The following PDE11A variants were observed in gnomAD, a reference collection of about 807,000 sequenced individuals.
PDE11A encodes phosphodiesterase 11A.
PDE11A carries 100 observed loss-of-function variants against 100.5 expected under a neutral mutation model. The ratio of observed to expected loss-of-function variants is 1.00; its 90% CI spans 0.85 to 1.18. The LOEUF is 1.18. Ranked by LOEUF, PDE11A falls within the 50% of genes most tolerant of loss-of-function variation. The pLI, the probability that PDE11A is intolerant of heterozygous loss-of-function variation, is 0.00. For synonymous variants in PDE11A, 381 were observed against 420.8 expected, an observed-to-expected ratio of 0.91 and a Z score of 1.16; for missense variants, 1,141 against 1,152.6, an observed-to-expected ratio of 0.99 and a Z score of 0.15.
intron 2 of PDE11A, among the ~76,000 whole-genome samples, chr2:177,981,586 AC>A (rs1356906663): frequency 6.6e-6 from 1 of 150,560 alleles, no homozygotes; most frequent in Non-Finnish European, 1.5e-5. Flanking sequence ...ATTAGGGTCT[AC>A]CCTAATGAAC....
chr2:178,071,838 A>G lies in PDE11A; in HGVS notation c.600T>C (p.Asn200=), dbSNP rs142971813. The G allele has an allele frequency of 3.0e-5, 49 of 1,613,984 alleles. No individual in the cohort carries two copies. In the South Asian group the frequency reaches 3.2e-4, roughly 10 times the overall value. ...IDYKCHLKKH[N]ERQFFLELVK... Reference sequence around the variant, plus strand: ...CCAATTCCAGAAAGAACTGACGCTCATTATGCTTTTTCAGATGGCACTTGT... The same window carrying G: ...CCAATTCCAGAAAGAACTGACGCTCGTTATGCTTTTTCAGATGGCACTTGT... The change falls in exon 1 of 20, where the codon AAT becomes AAC. Residue 200 remains asparagine, a synonymous_variant. Transcript: ENST00000286063.
At chr2:177,910,892 A>C (rs1559002673) in intron 2 of PDE11A, among the ~76,000 whole-genome samples, 1 of 152,332 alleles carries the variant, frequency 6.6e-6, no homozygotes, top group African/African-American at 2.4e-5. Flanking sequence ...CCAATTATAC[A>C]TCATTGAAGA....
Position 177,711,794 on chromosome 2 carries a change from C to G in PDE11A, c.2128G>C (p.Gly710Arg). 1 of 1,601,024 alleles carries G rather than the reference C, an allele frequency of 6.2e-7. No individual in the cohort carries two copies. Among genetic ancestry groups the G allele is most frequent in the South Asian group, 1.1e-5 (1 of 90,792 alleles). The change falls in exon 13 of 20, where the codon GGA (glycine) becomes CGA (arginine). Residue 710 changes from glycine (G) to arginine (R), a missense_variant. Coordinates refer to ENST00000286063, the MANE Select transcript of PDE11A (RefSeq NM_016953.4). The stretch of plus-strand genomic sequence containing the variant: ...TTAGCTTGGAAGGCATTGTTGGTTC[C>G]CCTGTGGTCGAGGTCATGACACAGG... Reference protein sequence around the residue: ...GCLCHDLDHRGTNNAFQAKSG... With the variant: ...GCLCHDLDHRRTNNAFQAKSG...
chr2:177,798,580 C>A (rs1159476399), intron 9 of PDE11A, among the ~76,000 whole-genome samples: 1 of 152,174 alleles, frequency 6.6e-6, no homozygotes, highest in Non-Finnish European at 1.5e-5. Flanking sequence ...CAGAGAAGCA[C>A]CATTTGTGCA....
intron 12 of PDE11A, among the ~76,000 whole-genome samples, chr2:177,725,580 A>G (rs1023573223): frequency 6.6e-6 from 1 of 152,134 alleles, no homozygotes; most frequent in South Asian, 2.1e-4. Flanking sequence ...TTCTCCAACA[A>G]TGCTGCTCTT....
chr2:177,899,522 C>A, intron 3 of PDE11A: 2 of 315,060 alleles, frequency 6.3e-6, no homozygotes, highest in Non-Finnish European at 6.5e-6. Context: ...CTTTTCCTCA[C>A]TATCAGGAAG....
In PDE11A at chr2:177,696,911, A is replaced by C. The variant is rs188056107; in HGVS notation, c.2345+421T>G. ...GAGAGAAAGCCCTTCTAAGAAAGAGATAGAAAAGAATCAAGGAATGAACTG... is the reference window on the plus strand; with the variant it reads ...GAGAGAAAGCCCTTCTAAGAAAGAGCTAGAAAAGAATCAAGGAATGAACTG... On this transcript the variant is annotated intron_variant, in intron 15 of 19. Coordinates refer to ENST00000286063, the MANE Select transcript of PDE11A (RefSeq NM_016953.4). Among the ~76,000 whole-genome samples the C allele has an allele frequency of 3.3e-5, 5 of 152,346 alleles. No homozygotes were observed. The East Asian group carries it at 9.6e-4, about 29-fold the overall frequency.
At chr2:177,899,637 A>AT in intron 3 of PDE11A, 1 of 208,686 alleles carries the variant, frequency 4.8e-6, no homozygotes, top group Non-Finnish European at 9.9e-6. Context: ...CAGATTCTTA[A>AT]ATATATATAT....
chr2:177,625,571 A>G lies in PDE11A; in HGVS notation c.*3836T>C, dbSNP rs1287591499. Reference sequence around the variant, plus strand: ...CTGAAAAAAATACATCTCATCGAAAAAGTAGGATGAAGTTATTTCAACAAT... The same window carrying G: ...CTGAAAAAAATACATCTCATCGAAAGAGTAGGATGAAGTTATTTCAACAAT... On this transcript the variant is annotated 3_prime_UTR_variant, in exon 20 of 20. Coordinates refer to ENST00000286063, the MANE Select transcript of PDE11A (RefSeq NM_016953.4). 1 of 152,210 alleles carries G rather than the reference A, an allele frequency of 6.6e-6. No homozygotes were observed. The highest frequency in any genetic ancestry group is 1.5e-5 in the Non-Finnish European group (1 of 68,034). The allele number at this position is 152,210 out of a possible 1,614,324, so 9.4% of individuals were successfully genotyped here.
intron 2 of PDE11A, among the ~76,000 whole-genome samples, chr2:177,913,814 C>T (rs367998072): frequency 1.4e-4 from 21 of 152,228 alleles, no homozygotes; most frequent in African/African-American, 5.1e-4. Flanking sequence ...TTCTTTATTA[C>T]AAATAATGCT....
intron 10 of PDE11A, among the ~76,000 whole-genome samples, chr2:177,755,434 G>T (rs754542003): frequency 6.6e-6 from 1 of 152,170 alleles, no homozygotes. Flanking sequence ...CCCAGGAAAT[G>T]CCTGCCTGCC....
intron 2 of PDE11A, among the ~76,000 whole-genome samples, chr2:177,939,517 A>AAGCG (rs2085319547): frequency 1.4e-5 from 1 of 69,202 alleles, no homozygotes; most frequent in Non-Finnish European, 2.9e-5. Context: ...GGAGGGAGGG[A>AAGCG]AGGGAGGGAG....
chr2:177,967,117 T>A lies in PDE11A; in HGVS notation c.1071+47185A>T, dbSNP rs931159099. Among the ~76,000 whole-genome samples the A allele has an allele frequency of 2.6e-5, 4 of 152,144 alleles. No individual in the cohort carries two copies. In the South Asian group the frequency reaches 8.3e-4, roughly 32 times the overall value. ...AATTTATCCATTTCTTCTAGGTTTC[T>A]AGTTTGTGTGCCTGGAGGTGTTTGT... On this transcript the variant is annotated intron_variant, in intron 2 of 19. Coordinates refer to ENST00000286063, the MANE Select transcript of PDE11A (RefSeq NM_016953.4).
intron 2 of PDE11A, among the ~76,000 whole-genome samples, chr2:178,096,209 G>A (rs1227135903): frequency 7.4e-6 from 1 of 134,388 alleles, no homozygotes; most frequent in East Asian, 2.0e-4. Context: ...TGTCGCCCAG[G>A]CTGGAGTGCA....
At chr2:177,778,508 A>C (rs2082409118) in intron 9 of PDE11A, among the ~76,000 whole-genome samples, 1 of 152,212 alleles carries the variant, frequency 6.6e-6, no homozygotes. Flanking sequence ...CTCTGCTGGC[A>C]AAGTGGCACT....
At chr2:177,950,199 T>A (rs1449247298) in intron 2 of PDE11A, among the ~76,000 whole-genome samples, 3 of 151,496 alleles carry the variant, frequency 2.0e-5, no homozygotes, top group Non-Finnish European at 4.4e-5. Context: ...AACAATACTT[T>A]CCTACTTTCT....
intron 2 of PDE11A, among the ~76,000 whole-genome samples, chr2:177,917,987 T>G (rs2084979146): frequency 6.6e-6 from 1 of 152,234 alleles, no homozygotes; most frequent in Non-Finnish European, 1.5e-5. Context: ...TGTAAAAGCC[T>G]TGATATAATT....
rs779566347 is a variant in PDE11A, at chr2:177,980,156, T to TA, written c.1071+34145dup. On this transcript the variant is annotated intron_variant, in intron 2 of 19. Transcript: ENST00000286063. Reference sequence around the variant, plus strand: ...GACCAATAAGTAGAAAGTGACATCCTAAAAAAAAAACGAAGAATACCAGCT... The same window carrying TA: ...GACCAATAAGTAGAAAGTGACATCCTAAAAAAAAAAACGAAGAATACCAGCT... Among the ~76,000 whole-genome samples, 308 of 143,336 alleles carry TA rather than the reference T, an allele frequency of 2.1e-3. 7 individuals carry two copies. Among genetic ancestry groups the TA allele is most frequent in the Middle Eastern group, 0.018 (5 of 284 alleles). 94.0% of individuals were successfully genotyped at this position (143,336 alleles called of 152,430 possible).
intron 10 of PDE11A, among the ~76,000 whole-genome samples, chr2:177,756,919 G>A (rs1261887990): frequency 6.6e-6 from 1 of 152,158 alleles, no homozygotes; most frequent in Non-Finnish European, 1.5e-5. Context: ...CCCATCTATC[G>A]AGAAAGTAAA....
Sources: gnomAD v4.1 joint callset for allele counts (sites outside exome capture counted in the v4.1 genomes callset) on GRCh38, gnomAD v4.1.1 for gene constraint, MANE v1.5 for transcripts, NCBI Gene and HGNC (gene_info 2026-07-23, HGNC 2026-07-21) for gene names.